COL26A1: variants seen among roughly 807,000 people sequenced by gnomAD.
COL26A1 encodes the protein collagen type XXVI alpha 1 chain.
A neutral mutation model predicts 59.3 loss-of-function variants in COL26A1; 41 were observed. That is an observed-to-expected ratio of 0.69 (90% confidence interval 0.54 to 0.90). The LOEUF is 0.90. Among genes scored for constraint, COL26A1 ranks in the 40% least tolerant of loss-of-function variants. The probability of loss-of-function intolerance (pLI) is 0.00; values close to 1 mark genes in which losing one functional copy is unlikely to be tolerated. For synonymous variants in COL26A1, 266 were observed against 256.0 expected (o/e 1.04, Z -0.37); for missense variants, 612 against 602.3 (o/e 1.02, Z -0.17).
Position 101,492,189 on chromosome 7 carries a change from C to A in COL26A1, c.386-40893C>A, listed in dbSNP as rs1239742416. Reference sequence around the variant, plus strand: ...GACATTTCCTGCTCTTTCCTCTTGTCCAGACAGTAGAATCTTGACGGAAAA... The same window carrying A: ...GACATTTCCTGCTCTTTCCTCTTGTACAGACAGTAGAATCTTGACGGAAAA... On this transcript the variant is annotated intron_variant, in intron 3 of 12. Coordinates refer to ENST00000313669, the MANE Select transcript of COL26A1 (RefSeq NM_001278563.3). Among the ~76,000 whole-genome samples, 7 of 152,148 alleles carry A rather than the reference C, an allele frequency of 4.6e-5. No individual in the cohort carries two copies. The East Asian group carries it at 1.2e-3, about 25-fold the overall frequency.
intron 3 of COL26A1, among the ~76,000 whole-genome samples, chr7:101,510,162 C>T (rs545230931): frequency 4.0e-5 from 6 of 151,886 alleles, no homozygotes; most frequent in Non-Finnish European, 7.4e-5. Context: ...GCTGGGACTA[C>T]AGGCAATCAT....
At chr7:101,539,861 T>G in intron 4 of COL26A1, 32 bp from the exon 5 acceptor site, 1 of 1,597,052 alleles carries the variant, frequency 6.3e-7, no homozygotes, top group Non-Finnish European at 8.5e-7. Context: ...CAGGCCCAAC[T>G]GGGACCTGAC....
chr7:101,479,595 A>G (rs950874365), intron 3 of COL26A1, among the ~76,000 whole-genome samples: 1 of 152,220 alleles, frequency 6.6e-6, no homozygotes, highest in Non-Finnish European at 1.5e-5. Flanking sequence ...GTGTCTAGAT[A>G]TGTATCAGTT....
At chr7:101,378,331 C>G (rs1430106596) in intron 1 of COL26A1, among the ~76,000 whole-genome samples, 1 of 152,126 alleles carries the variant, frequency 6.6e-6, no homozygotes, top group African/African-American at 2.4e-5. Context: ...GTTTTTTACT[C>G]AAACCGCCCT....
intron 4 of COL26A1, among the ~76,000 whole-genome samples, chr7:101,535,336 GC>G (rs1199531595): frequency 6.6e-6 from 1 of 152,222 alleles, no homozygotes; most frequent in Non-Finnish European, 1.5e-5. Context: ...CCCGAGCCAT[GC>G]CCAGCCTGAT....
chr7:101,544,350 C>A (rs538409366), intron 6 of COL26A1, among the ~76,000 whole-genome samples: 15 of 151,948 alleles, frequency 9.9e-5, no homozygotes, highest in Non-Finnish European at 2.1e-4. Flanking sequence ...GCCTCAGCCT[C>A]CTGAGTAGCT....
intron 2 of COL26A1, among the ~76,000 whole-genome samples, chr7:101,443,349 T>C (rs1018580212): frequency 2.4e-4 from 36 of 152,154 alleles, no homozygotes; most frequent in African/African-American, 8.4e-4. Flanking sequence ...GGAATGTTTA[T>C]GAAACACGAG....
intron 1 of COL26A1, among the ~76,000 whole-genome samples, chr7:101,391,737 TA>T (rs1791733317): frequency 6.6e-6 from 1 of 152,140 alleles, no homozygotes; most frequent in Non-Finnish European, 1.5e-5. Flanking sequence ...CTATTTTTAG[TA>T]GAGACGGGGT....
chr7:101,363,683 G>A (rs1790966749), intron 1 of COL26A1, among the ~76,000 whole-genome samples: 1 of 151,754 alleles, frequency 6.6e-6, no homozygotes, highest in Non-Finnish European at 1.5e-5. Context: ...GTCTCTGGCC[G>A]CGCCCACCCT....
rs533663296 is a variant in COL26A1, at chr7:101,537,394, G to C, written c.448-2499G>C. Among the ~76,000 whole-genome samples, 5 of 152,318 alleles carry C rather than the reference G, an allele frequency of 3.3e-5. No individual in the cohort carries two copies. In the East Asian group the frequency reaches 9.7e-4, roughly 29 times the overall value. The stretch of plus-strand genomic sequence containing the variant: ...CTCTGGTGCAGAGGGCAGTGTCCCG[G>C]CTAGTCTGCCAGGCCACAATGACAT... On this transcript the variant is annotated intron_variant, in intron 4 of 12. Transcript: ENST00000313669.
chr7:101,547,150 CCA>C lies in COL26A1; in HGVS notation c.857-3_857-2del. 6.3e-7 allele frequency: 1 copy of C among 1,587,408 alleles called. No homozygotes were observed. Among genetic ancestry groups the C allele is most frequent in the Non-Finnish European group, 8.6e-7 (1 of 1,168,524 alleles). On this transcript the variant is annotated splice_region_variant and splice_polypyrimidine_tract_variant and intron_variant, in intron 7 of 12. Transcript: ENST00000313669. ...CAGACCCCTGGCCGCTCCGCTCTTC[CCA>C]CAGATGGAGACTCAAGGCTGGCCTC...
intron 7 of COL26A1, 85 bp from the exon 8 acceptor site, chr7:101,547,071 G>A (rs537733209): frequency 1.1e-6 from 1 of 946,570 alleles, no homozygotes; most frequent in Non-Finnish European, 1.6e-6. Context: ...GTGTGGCCTG[G>A]CTCAGGGCTC....
intron 2 of COL26A1, among the ~76,000 whole-genome samples, chr7:101,436,282 C>T (rs1792912615): frequency 6.6e-6 from 1 of 152,156 alleles, no homozygotes; most frequent in Non-Finnish European, 1.5e-5. Context: ...AGCCCCTTTC[C>T]CCTCCCCGCT....
rs775039084 is a variant in COL26A1 at position 101,545,432 on chromosome 7, C to G, written c.798C>G (p.Pro266=). ...CCGGCCCAGCAGGCAACCCAGGCCC[C>G]TCACCAAACAGCCCCCAGGGCGCCC... The part of the protein sequence containing the change: ...GPPGPAGNPG[P]SPNSPQGALY... The change falls in exon 7 of 13, where the codon CCC becomes CCG. Residue 266 remains proline, a synonymous_variant. Coordinates refer to ENST00000313669, the MANE Select transcript of COL26A1 (RefSeq NM_001278563.3). 1.2e-6 allele frequency: 2 copies of G among 1,608,498 alleles called. No homozygotes were observed. The highest frequency in any genetic ancestry group is 3.4e-5 in the Admixed American group (2 of 59,564).
At chr7:101,532,997 C>T (rs1235283341) in intron 3 of COL26A1, 85 bp from the exon 4 acceptor site, 7 of 1,011,410 alleles carry the variant, frequency 6.9e-6, no homozygotes, top group Non-Finnish European at 1.0e-5. Context: ...GCTTGCCTGC[C>T]TGCCCAGAGG....
intron 3 of COL26A1, among the ~76,000 whole-genome samples, chr7:101,475,401 T>TG (rs1336734220): frequency 6.6e-6 from 1 of 151,880 alleles, no homozygotes; most frequent in African/African-American, 2.4e-5. Context: ...GGGAAAAGTG[T>TG]GGGGGAAAGT....
intron 1 of COL26A1, among the ~76,000 whole-genome samples, chr7:101,413,176 G>A (rs930897800): frequency 6.6e-6 from 1 of 152,146 alleles, no homozygotes; most frequent in Non-Finnish European, 1.5e-5. Context: ...GGCTCGGGAC[G>A]GTTTGATTGC....
chr7:101,367,788 C>T (rs2116998110), intron 1 of COL26A1, among the ~76,000 whole-genome samples: 1 of 152,272 alleles, frequency 6.6e-6, no homozygotes, highest in East Asian at 1.9e-4. Flanking sequence ...TCACCAGGAA[C>T]TGAATCTGCC....
intron 3 of COL26A1, among the ~76,000 whole-genome samples, chr7:101,485,362 T>C (rs558920911): frequency 6.6e-6 from 1 of 152,152 alleles, no homozygotes; most frequent in Non-Finnish European, 1.5e-5. Context: ...GCCAGACACA[T>C]GCATCTTTGG....
Sources: gnomAD v4.1 joint callset for allele counts (sites outside exome capture counted in the v4.1 genomes callset) on GRCh38, gnomAD v4.1.1 for gene constraint, MANE v1.5 for transcripts, NCBI Gene and HGNC (gene_info 2026-07-23, HGNC 2026-07-21) for gene names.